The following EEPD1 variants were observed in gnomAD, a reference collection of about 807,000 sequenced individuals.
EEPD1 encodes endonuclease/exonuclease/phosphatase family domain containing 1.
EEPD1 carries 17 observed loss-of-function variants against 46.3 expected under a neutral mutation model. The ratio of observed to expected loss-of-function variants is 0.37; its 90% CI spans 0.25 to 0.55. The LOEUF (loss-of-function observed/expected upper bound fraction) is 0.55. EEPD1 is among the 20% of genes least tolerant of loss of function. The pLI, the probability that EEPD1 is intolerant of heterozygous loss-of-function variation, is 0.83. For missense variants in EEPD1, 673 were observed against 745.6 expected, an observed-to-expected ratio of 0.90 and a Z score of 1.13; for synonymous variants, 313 against 315.6, an observed-to-expected ratio of 0.99 and a Z score of 0.09.
chr7:36,229,504 C>T (rs1786282593), intron 2 of EEPD1: 1 of 152,240 alleles, frequency 6.6e-6, no homozygotes, highest in African/African-American at 2.4e-5. Flanking sequence ...TTTGCGTTTT[C>T]TCCTTGGAAA....
intron 7 of EEPD1, 105 bp from the exon 8 acceptor site, chr7:36,298,902 C>T: frequency 2.2e-6 from 3 of 1,365,634 alleles, no homozygotes; most frequent in Non-Finnish European, 3.0e-6. Flanking sequence ...CTCCGGGCAC[C>T]CCGGCCTGCA....
intron 2 of EEPD1, among the ~76,000 whole-genome samples, chr7:36,204,617 G>A (rs960570906): frequency 1.3e-5 from 2 of 152,058 alleles, no homozygotes; most frequent in Non-Finnish European, 2.9e-5. Context: ...GTTGCCCCTG[G>A]GACAGATGAG....
At chr7:36,260,972 T>C (rs959791053) in intron 3 of EEPD1, among the ~76,000 whole-genome samples, 2 of 152,236 alleles carry the variant, frequency 1.3e-5, no homozygotes, top group Non-Finnish European at 2.9e-5. Flanking sequence ...TATAGGAAGA[T>C]GTGCATAGAT....
chr7:36,183,060 TTCAGAGTG>T (rs1419368518), intron 2 of EEPD1, among the ~76,000 whole-genome samples: 1 of 152,172 alleles, frequency 6.6e-6, no homozygotes, highest in Non-Finnish European at 1.5e-5. Context: ...TCAGGCAGGC[TTCAGAGTG>T]GAGAGCCAGG....
Position 36,154,751 on chromosome 7 carries a change from A to T in EEPD1, c.427A>T (p.Thr143Ser). 1.2e-6 allele frequency: 2 copies of T among 1,613,792 alleles called. No individual in the cohort carries two copies. The highest frequency in any genetic ancestry group is 1.7e-6 in the Non-Finnish European group (2 of 1,179,966). The change falls in exon 2 of 8, where the codon ACC (threonine) becomes TCC (serine). Residue 143 changes from threonine to serine, a missense_variant. Coordinates refer to ENST00000242108, the MANE Select transcript of EEPD1 (RefSeq NM_030636.3). The surrounding 1 kb of genome is among the most constrained non-coding windows in gnomAD (Gnocchi z 4.2). Reference protein sequence around the residue: ...LTPRVNINTATPAQLMSVRGL... With the variant: ...LTPRVNINTASPAQLMSVRGL... Reference sequence around the variant, plus strand: ...CCCACGTGTTAACATCAACACAGCCACCCCGGCCCAGCTCATGAGCGTGCG... The same window carrying T: ...CCCACGTGTTAACATCAACACAGCCTCCCCGGCCCAGCTCATGAGCGTGCG...
intron 2 of EEPD1, among the ~76,000 whole-genome samples, chr7:36,172,966 T>C (rs59122714): frequency 0.45 from 67,458 of 150,208 alleles, 15,676 homozygotes; most frequent in East Asian, 0.68. Flanking sequence ...GGTCTGGTAC[T>C]ACCTCCAGGT....
intron 6 of EEPD1, among the ~76,000 whole-genome samples, chr7:36,293,483 C>T (rs1787479754): frequency 6.6e-6 from 1 of 152,096 alleles, no homozygotes; most frequent in Non-Finnish European, 1.5e-5. Flanking sequence ...GGTGGAACTC[C>T]AATTTCTGAG....
intron 3 of EEPD1, among the ~76,000 whole-genome samples, chr7:36,245,561 G>A (rs1287650337): frequency 1.3e-5 from 2 of 152,120 alleles, no homozygotes; most frequent in South Asian, 2.1e-4. Context: ...GTGGGATCAG[G>A]CTTCTGAGTT....
intron 2 of EEPD1, among the ~76,000 whole-genome samples, chr7:36,197,709 A>G (rs1318590841): frequency 1.3e-5 from 2 of 152,020 alleles, no homozygotes; most frequent in Non-Finnish European, 2.9e-5. Context: ...CAGATGCTTG[A>G]AGGCAGCATG....
At chr7:36,217,523 A>G (rs540381248) in intron 2 of EEPD1, among the ~76,000 whole-genome samples, 28 of 152,320 alleles carry the variant, frequency 1.8e-4, no homozygotes, top group South Asian at 4.1e-4. Flanking sequence ...GCAACCTCCT[A>G]TCTTATCCTG....
chr7:36,236,075 C>T (rs926686655), intron 2 of EEPD1, among the ~76,000 whole-genome samples: 1 of 152,178 alleles, frequency 6.6e-6, no homozygotes, highest in Non-Finnish European at 1.5e-5. Flanking sequence ...CAGGCATGCA[C>T]CACCACACCA....
rs371427136 is a variant in EEPD1, at chr7:36,178,417, C to T, written c.878+23215C>T. On this transcript the variant is annotated intron_variant, in intron 2 of 7. Coordinates refer to ENST00000242108, the MANE Select transcript of EEPD1 (RefSeq NM_030636.3). The stretch of plus-strand genomic sequence containing the variant: ...GGTGAGTTCAGACTCCTCTCGGCCA[C>T]GGGGGCCCTCCCCCTACACCTGGGC... Among the ~76,000 whole-genome samples the T allele has an allele frequency of 3.9e-5, 6 of 152,218 alleles. No individual in the cohort carries two copies. The South Asian group carries it at 8.3e-4, about 21-fold the overall frequency.
intron 3 of EEPD1, among the ~76,000 whole-genome samples, chr7:36,267,405 C>T (rs937834278): frequency 2.6e-5 from 4 of 152,218 alleles, no homozygotes; most frequent in African/African-American, 9.6e-5. Context: ...ACACTGGCCT[C>T]TCTGTCCTGC....
At chr7:36,213,298 G>A (rs192816624) in intron 2 of EEPD1, among the ~76,000 whole-genome samples, 157 of 152,318 alleles carry the variant, frequency 1.0e-3, no homozygotes, top group Non-Finnish European at 1.3e-3. Flanking sequence ...GGATGAAGTG[G>A]GGAATGGGGG....
Position 36,298,432 on chromosome 7 carries a change from G to A in EEPD1, c.1511-575G>A, listed in dbSNP as rs113991614. Reference sequence around the variant, plus strand: ...AATCCTGCACTAAGGACCACACAGTGCTTTCTAGCTATTCTGTAGTTGTTT... The same window carrying A: ...AATCCTGCACTAAGGACCACACAGTACTTTCTAGCTATTCTGTAGTTGTTT... On this transcript the variant is annotated intron_variant, in intron 7 of 7. Transcript: ENST00000242108. Among the ~76,000 whole-genome samples, 546 of 152,228 alleles carry A rather than the reference G, an allele frequency of 3.6e-3. 2 individuals are homozygous for A. Among genetic ancestry groups the A allele is most frequent in the African/African-American group, 0.012 (514 of 41,540 alleles).
At position 36,287,797 on chromosome 7, in the gene EEPD1, T is replaced by A. The variant is rs1370817110; in HGVS notation, c.1315+20T>A. ...TGAAAGGTAGGACATTGTCTTTTGC[T>A]GTGACTCGGCCACTGTTTTGCAGAG... is the stretch of plus-strand genomic sequence containing the variant. On this transcript the variant is annotated intron_variant, in intron 6 of 7. Coordinates refer to ENST00000242108, the MANE Select transcript of EEPD1 (RefSeq NM_030636.3). 1.9e-6 allele frequency: 3 copies of A among 1,611,978 alleles called. No homozygotes were observed. The highest frequency in any genetic ancestry group is 2.5e-6 in the Non-Finnish European group (3 of 1,178,716).
chr7:36,242,076 C>T (rs896860325), intron 3 of EEPD1, among the ~76,000 whole-genome samples: 10 of 152,188 alleles, frequency 6.6e-5, no homozygotes, highest in Non-Finnish European at 1.2e-4. Flanking sequence ...CGGAGCAGAC[C>T]CTAAGCCCAC....
chr7:36,298,728 A>AGCCCATGT (rs1365772453), intron 7 of EEPD1, among the ~76,000 whole-genome samples: 1 of 152,248 alleles, frequency 6.6e-6, no homozygotes, highest in East Asian at 1.9e-4. Flanking sequence ...AGGACAGGTC[A>AGCCCATGT]GCCCATGTGC....
chr7:36,249,797 G>T (rs749281669), intron 3 of EEPD1, among the ~76,000 whole-genome samples: 1 of 152,036 alleles, frequency 6.6e-6, no homozygotes, highest in African/African-American at 2.4e-5. Flanking sequence ...CCTGTAGCTC[G>T]CATTGTAACT....
Sources: allele counts gnomAD v4.1 joint callset (sites outside exome capture counted in the v4.1 genomes callset), GRCh38; gene constraint gnomAD v4.1.1; non-coding constraint Gnocchi (gnomAD v3.1); transcripts MANE v1.5; gene names NCBI Gene and HGNC (gene_info 2026-07-23, HGNC 2026-07-21).